Variants in CDKAL1 observed in about 807,000 individuals in gnomAD.
CDKAL1 encodes threonylcarbamoyladenosine tRNA methylthiotransferase.
CDKAL1 carries 32 observed loss-of-function variants against 68.2 expected under a neutral mutation model. That is an observed-to-expected ratio of 0.47 (90% confidence interval 0.35 to 0.63). The LOEUF (loss-of-function observed/expected upper bound fraction) is 0.63. CDKAL1 is among the 30% of genes least tolerant of loss of function. The pLI is 0.00. For missense variants in CDKAL1, 606 were observed against 696.7 expected (o/e 0.87, Z 1.47); for synonymous variants, 234 against 244.3 (o/e 0.96, Z 0.39).
At chr6:21,107,227 G>A (rs7739050) in intron 12 of CDKAL1, among the ~76,000 whole-genome samples, 22,513 of 151,634 alleles carry the variant, frequency 0.15, 1,821 homozygotes, top group Non-Finnish European at 0.19. Context: ...GATTACAGGC[G>A]TGAGCCACCG....
At chr6:21,023,870 G>C (rs1436967346) in intron 11 of CDKAL1, among the ~76,000 whole-genome samples, 3 of 151,944 alleles carry the variant, frequency 2.0e-5, no homozygotes, top group Non-Finnish European at 2.9e-5. Context: ...CACTTTAGTG[G>C]GTACGTTAGT....
intron 11 of CDKAL1, among the ~76,000 whole-genome samples, chr6:21,044,959 G>T (rs890791040): frequency 2.6e-5 from 4 of 152,200 alleles, no homozygotes; most frequent in East Asian, 1.9e-4. Context: ...GCACTGCCCG[G>T]CTTCTTCAAA....
chr6:21,009,747 A>G lies in CDKAL1; in HGVS notation c.1055+9375A>G, dbSNP rs191958329. Among the ~76,000 whole-genome samples, 3 of 152,334 alleles carry G rather than the reference A, an allele frequency of 2.0e-5. No homozygotes were observed. In the East Asian group the frequency reaches 5.8e-4, roughly 29 times the overall value. ...GTTAACTGAAATAAACCAGGCACAG[A>G]AAGACAAATACCGCGTGTTCTCACT... On this transcript the variant is annotated intron_variant, in intron 11 of 15. Coordinates refer to ENST00000274695, the MANE Select transcript of CDKAL1 (RefSeq NM_017774.3).
chr6:20,545,273 G>A (rs1346334501), intron 2 of CDKAL1, among the ~76,000 whole-genome samples: 1 of 151,746 alleles, frequency 6.6e-6, no homozygotes, highest in African/African-American at 2.4e-5. Flanking sequence ...TTTTGCTGGC[G>A]GGGCAGGGAA....
At chr6:21,194,045 G>T (rs182550294) in intron 13 of CDKAL1, among the ~76,000 whole-genome samples, 24 of 152,170 alleles carry the variant, frequency 1.6e-4, no homozygotes, top group African/African-American at 5.8e-4. Context: ...GACCACACAC[G>T]AAAGGCAGCC....
At chr6:20,775,092 A>G (rs1775114551) in intron 7 of CDKAL1, among the ~76,000 whole-genome samples, 1 of 152,188 alleles carries the variant, frequency 6.6e-6, no homozygotes, top group South Asian at 2.1e-4. Context: ...GTCTCATTCT[A>G]CATATATGCC....
At chr6:20,649,792 C>G (rs1006963991) in intron 5 of CDKAL1, among the ~76,000 whole-genome samples, 1 of 152,162 alleles carries the variant, frequency 6.6e-6, no homozygotes, top group Non-Finnish European at 1.5e-5. Flanking sequence ...TTGTTCAGCT[C>G]CCACTTGTAA....
intron 11 of CDKAL1, among the ~76,000 whole-genome samples, chr6:21,040,388 GA>G (rs1400664402): frequency 6.6e-6 from 1 of 152,136 alleles, no homozygotes. Flanking sequence ...AGCTTTGTGT[GA>G]GACTATTTTC....
Position 21,163,673 on chromosome 6 carries a change from G to A in CDKAL1, c.1300-34348G>A, listed in dbSNP as rs147078381. On this transcript the variant is annotated intron_variant, in intron 13 of 15. Transcript: ENST00000274695. The stretch of plus-strand genomic sequence containing the variant: ...CTTGAAATAATGCTGTTATCTGGCC[G>A]GGCGCGGTGGCTCATGCCTGTAATC... 1.8e-3 allele frequency among the ~76,000 whole-genome samples: 280 copies of A among 152,246 alleles called. 1 individual carries two copies. The highest frequency in any genetic ancestry group is 6.8e-3 in the Middle Eastern group (2 of 294).
At chr6:20,765,954 A>G (rs1273420001) in intron 7 of CDKAL1, among the ~76,000 whole-genome samples, 1 of 152,184 alleles carries the variant, frequency 6.6e-6, no homozygotes, top group Non-Finnish European at 1.5e-5. Context: ...TAAACATTGT[A>G]AGTGGTCAAG....
intron 9 of CDKAL1, among the ~76,000 whole-genome samples, chr6:20,899,472 C>T (rs1761861779): frequency 6.6e-6 from 1 of 151,966 alleles, no homozygotes; most frequent in Admixed American, 6.6e-5. Context: ...CAGAATGATG[C>T]TGCTTTTTAA....
At chr6:21,089,839 T>A (rs1772904711) in intron 12 of CDKAL1, among the ~76,000 whole-genome samples, 2 of 152,244 alleles carry the variant, frequency 1.3e-5, no homozygotes, top group South Asian at 2.1e-4. Context: ...AAGCCATAAA[T>A]ATTAATTCCT....
At chr6:20,671,992 G>A (rs1379010613) in intron 5 of CDKAL1, among the ~76,000 whole-genome samples, 2 of 152,126 alleles carry the variant, frequency 1.3e-5, no homozygotes, top group East Asian at 3.9e-4. Flanking sequence ...CCAAATTTAC[G>A]TAGGTCTATT....
chr6:20,934,161 CTTGACGGGTTATA>C (rs1447518412), intron 9 of CDKAL1, among the ~76,000 whole-genome samples: 2 of 152,218 alleles, frequency 1.3e-5, no homozygotes, highest in African/African-American at 4.8e-5. Flanking sequence ...GCTGGATCTC[CTTGACGGGTTATA>C]GCTGGTAAGA....
intron 5 of CDKAL1, among the ~76,000 whole-genome samples, chr6:20,652,928 G>A (rs879272883): frequency 6.6e-6 from 1 of 152,106 alleles, no homozygotes; most frequent in African/African-American, 2.4e-5. Flanking sequence ...ATTAGTTAAT[G>A]TATCATCTAT....
intron 4 of CDKAL1, among the ~76,000 whole-genome samples, chr6:20,622,133 A>G (rs1304015652): frequency 1.3e-5 from 2 of 152,092 alleles, no homozygotes; most frequent in Non-Finnish European, 2.9e-5. Context: ...TTTTAAGTTT[A>G]TGGCAGCTTT....
At chr6:20,823,919 G>C (rs1777392022) in intron 8 of CDKAL1, among the ~76,000 whole-genome samples, 1 of 152,070 alleles carries the variant, frequency 6.6e-6, no homozygotes, top group South Asian at 2.1e-4. Context: ...ATAAAAGCAA[G>C]ATACTTCGTG....
At chr6:21,186,186 C>T (rs1444928156) in intron 13 of CDKAL1, among the ~76,000 whole-genome samples, 1 of 152,088 alleles carries the variant, frequency 6.6e-6, no homozygotes, top group African/African-American at 2.4e-5. Context: ...AATTAGACAC[C>T]ATTAGAGCTT....
At chr6:21,030,458 A>T (rs1179275604) in intron 11 of CDKAL1, among the ~76,000 whole-genome samples, 1 of 152,158 alleles carries the variant, frequency 6.6e-6, no homozygotes, top group Non-Finnish European at 1.5e-5. Flanking sequence ...ACAAACCTAC[A>T]CGTTCTGCAC....
Sources: allele counts gnomAD v4.1 joint callset (sites outside exome capture counted in the v4.1 genomes callset), GRCh38; gene constraint gnomAD v4.1.1; transcripts MANE v1.5; gene names NCBI Gene and HGNC (gene_info 2026-07-23, HGNC 2026-07-21).